Variants in MAGI1 observed in about 807,000 individuals in gnomAD.
MAGI1 encodes membrane associated guanylate kinase, WW and PDZ domain containing 1, also known as membrane-associated guanylate kinase, WW and PDZ domain-containing protein 1.
A neutral mutation model predicts 139.9 loss-of-function variants in MAGI1; 58 were observed. The ratio of observed to expected loss-of-function variants is 0.41; its 90% CI spans 0.34 to 0.52. The LOEUF is 0.52. MAGI1 is among the 20% of genes least tolerant of loss of function. The pLI, the probability that MAGI1 is intolerant of heterozygous loss-of-function variation, is 0.12. For synonymous variants in MAGI1, 812 were observed against 737.9 expected (o/e 1.10, Z -1.63); for missense variants, 1,874 against 1,901.6 (o/e 0.99, Z 0.27).
intron 1 of MAGI1, among the ~76,000 whole-genome samples, chr3:65,812,699 CTTTTTTTTT>C (rs539502538): frequency 2.7e-5 from 2 of 72,890 alleles, no homozygotes; most frequent in East Asian, 4.7e-4. Context: ...AGTTAGTTTA[CTTTTTTTTT>C]TTTTTTTTTT....
intron 12 of MAGI1, among the ~76,000 whole-genome samples, chr3:65,419,390 T>A (rs1169592968): frequency 6.6e-6 from 1 of 152,218 alleles, no homozygotes; most frequent in African/African-American, 2.4e-5. Context: ...TACACTCTAA[T>A]GTTTTCTGTT....
intron 18 of MAGI1, among the ~76,000 whole-genome samples, chr3:65,370,233 A>T (rs1941849415): frequency 1.3e-5 from 2 of 151,974 alleles, no homozygotes; most frequent in Admixed American, 1.3e-4. Flanking sequence ...ATGCCACTGC[A>T]CTCTAGCCTG....
intron 2 of MAGI1, among the ~76,000 whole-genome samples, chr3:65,555,363 T>A (rs1416601875): frequency 6.6e-6 from 1 of 152,226 alleles, no homozygotes; most frequent in Non-Finnish European, 1.5e-5. Context: ...TCCTGTCCAC[T>A]ACTGCCATGT....
chr3:65,983,818 T>C (rs942591735), intron 1 of MAGI1, among the ~76,000 whole-genome samples: 4 of 152,150 alleles, frequency 2.6e-5, no homozygotes, highest in African/African-American at 9.7e-5. Context: ...TTTTTTATAT[T>C]TGTAAAATGG....
At chr3:65,626,505 G>A (rs550787046) in intron 1 of MAGI1, among the ~76,000 whole-genome samples, 2 of 152,058 alleles carry the variant, frequency 1.3e-5, no homozygotes, top group East Asian at 3.9e-4. Context: ...TTAAATTTTT[G>A]TAGATACAGG....
chr3:65,849,603 T>G (rs2059138139), intron 1 of MAGI1, among the ~76,000 whole-genome samples: 1 of 151,982 alleles, frequency 6.6e-6, no homozygotes. Context: ...TATTGTTAGA[T>G]GTCTAATACT....
intron 1 of MAGI1, among the ~76,000 whole-genome samples, chr3:65,937,202 T>C (rs1358516915): frequency 6.6e-6 from 1 of 152,136 alleles, no homozygotes; most frequent in African/African-American, 2.4e-5. Context: ...GTTATTACTG[T>C]TTGAGATTTT....
intron 1 of MAGI1, among the ~76,000 whole-genome samples, chr3:65,631,939 T>C (rs951763097): frequency 6.6e-6 from 1 of 151,434 alleles, no homozygotes; most frequent in African/African-American, 2.4e-5. Flanking sequence ...GCAGGAGAAT[T>C]GCTTGAACCC....
At position 65,761,398 on chromosome 3, in the gene MAGI1, T is replaced by C. The variant is rs183423102; in HGVS notation, c.314-139310A>G. ...TACTGTTAGACATTTTTATAAAGGA[T>C]AAATTATATTTCCAATAGACCTAGT... On this transcript the variant is annotated intron_variant, in intron 1 of 22. Coordinates refer to ENST00000402939, the MANE Select transcript of MAGI1 (RefSeq NM_001033057.2). Among the ~76,000 whole-genome samples the C allele has an allele frequency of 1.6e-3, 241 of 152,270 alleles. 2 individuals carry two copies. The highest frequency in any genetic ancestry group is 5.5e-3 in the African/African-American group (230 of 41,578).
intron 2 of MAGI1, among the ~76,000 whole-genome samples, chr3:65,603,480 T>G (rs763438880): frequency 6.6e-6 from 1 of 152,202 alleles, no homozygotes; most frequent in Non-Finnish European, 1.5e-5. Flanking sequence ...ATTAAGGTAT[T>G]ATTTGGAAAC....
At chr3:65,884,452 A>T (rs1216309515) in intron 1 of MAGI1, among the ~76,000 whole-genome samples, 15 of 152,260 alleles carry the variant, frequency 9.9e-5, no homozygotes. Flanking sequence ...ACTTCCCTTA[A>T]ATACAAAAAG....
chr3:65,584,437 T>C (rs2081579440), intron 2 of MAGI1, among the ~76,000 whole-genome samples: 1 of 152,210 alleles, frequency 6.6e-6, no homozygotes, highest in South Asian at 2.1e-4. Flanking sequence ...GCAACCTCAG[T>C]AGACCTGAGC....
intron 2 of MAGI1, among the ~76,000 whole-genome samples, chr3:65,621,719 T>C (rs779071006): frequency 1.2e-4 from 18 of 152,312 alleles, no homozygotes; most frequent in Admixed American, 3.9e-4. Context: ...TACTAACACG[T>C]CCTTTCCACT....
chr3:65,881,142 T>A (rs2060312788), intron 1 of MAGI1, among the ~76,000 whole-genome samples: 2 of 152,050 alleles, frequency 1.3e-5, no homozygotes, highest in African/African-American at 2.4e-5. Context: ...TGCCTCAGCC[T>A]CCCAAAGTGC....
At chr3:65,637,451 G>A (rs532347301) in intron 1 of MAGI1, among the ~76,000 whole-genome samples, 2 of 152,066 alleles carry the variant, frequency 1.3e-5, no homozygotes, top group East Asian at 1.9e-4. Context: ...CTACTTGGGA[G>A]GCTGAGTTGG....
chr3:65,845,724 C>G (rs1476911337), intron 1 of MAGI1, among the ~76,000 whole-genome samples: 1 of 152,204 alleles, frequency 6.6e-6, no homozygotes, highest in Non-Finnish European at 1.5e-5. Context: ...TGTGGCAGCT[C>G]TTAGCTCTTC....
At chr3:66,035,372 AG>A (rs2068859402) in intron 1 of MAGI1, among the ~76,000 whole-genome samples, 1 of 152,222 alleles carries the variant, frequency 6.6e-6, no homozygotes, top group South Asian at 2.1e-4. Flanking sequence ...ACAACACAAA[AG>A]TAGTATTTTT....
chr3:65,894,591 C>T (rs1038825787), intron 1 of MAGI1, among the ~76,000 whole-genome samples: 2 of 152,070 alleles, frequency 1.3e-5, no homozygotes, highest in Admixed American at 6.5e-5. Flanking sequence ...ATTGAGGATT[C>T]GTGTAAGAAA....
At chr3:65,990,215 G>A (rs566080728) in intron 1 of MAGI1, among the ~76,000 whole-genome samples, 6 of 152,180 alleles carry the variant, frequency 3.9e-5, no homozygotes, top group East Asian at 1.9e-4. Context: ...GGCAAGGTGC[G>A]GGATCATGAA....
Sources: allele counts gnomAD v4.1 joint callset (sites outside exome capture counted in the v4.1 genomes callset), GRCh38; gene constraint gnomAD v4.1.1; transcripts MANE v1.5; gene names NCBI Gene and HGNC (gene_info 2026-07-23, HGNC 2026-07-21).